UIMC1: variants seen among roughly 807,000 people sequenced by gnomAD.
UIMC1 encodes ubiquitin interaction motif containing 1, also known as BRCA1-A complex subunit RAP80.
Under a neutral mutation model 84.9 loss-of-function variants are expected in UIMC1, and 42 were observed. That is an observed-to-expected ratio of 0.49 (90% CI 0.39 to 0.64). The LOEUF (loss-of-function observed/expected upper bound fraction) is 0.64, where lower values mean the gene tolerates loss of function less well. Among genes scored for constraint, UIMC1 ranks in the 30% least tolerant of loss-of-function variants. The probability of loss-of-function intolerance (pLI) is 0.00; values close to 1 mark genes in which losing one functional copy is unlikely to be tolerated. For synonymous variants in UIMC1, 281 were observed against 293.0 expected (o/e 0.96, Z 0.42); for missense variants, 825 against 847.6 (o/e 0.97, Z 0.33).
At chr5:176,975,624 T>C in intron 2 of UIMC1, 144 bp from the exon 3 acceptor site, 1 of 728,316 alleles carries the variant, frequency 1.4e-6, no homozygotes, top group Non-Finnish European at 2.2e-6. Context: ...AGAAGATCCT[T>C]TTCAGTACAA....
rs528728180 is a variant in UIMC1, at chr5:176,992,260, T to A, written c.-8-9637A>T. On this transcript the variant is annotated intron_variant, in intron 1 of 14. Transcript: ENST00000511320. ...GTGTGTAAAATTGGTTTTTTCTGTA[T>A]CTTCCTTGGAAAAATTTTTATATTT... Among the ~76,000 whole-genome samples the A allele has an allele frequency of 1.4e-4, 21 of 152,318 alleles. 1 individual carries two copies. The South Asian group carries it at 3.9e-3, about 29-fold the overall frequency.
chr5:176,982,981 G>A (rs1581637557), intron 1 of UIMC1, among the ~76,000 whole-genome samples: 1 of 152,154 alleles, frequency 6.6e-6, no homozygotes, highest in East Asian at 1.9e-4. Flanking sequence ...TTACAGACAT[G>A]AGCCACCACA....
chr5:176,973,842 G>T (rs578190393), intron 3 of UIMC1, among the ~76,000 whole-genome samples: 1 of 151,922 alleles, frequency 6.6e-6, no homozygotes, highest in Non-Finnish European at 1.5e-5. Flanking sequence ...GGCAGAGGTT[G>T]TAGTGAGCCA....
At chr5:176,925,895 T>C (rs1339015784) in intron 10 of UIMC1, among the ~76,000 whole-genome samples, 1 of 152,174 alleles carries the variant, frequency 6.6e-6, no homozygotes, top group Non-Finnish European at 1.5e-5. Context: ...ATATTGGAAC[T>C]TGGTTCATGA....
chr5:176,960,892 C>T (rs1412052380), intron 6 of UIMC1, among the ~76,000 whole-genome samples: 1 of 59,316 alleles, frequency 1.7e-5, no homozygotes, highest in East Asian at 4.3e-4. Context: ...CTCGGCCTCC[C>T]GAGGTGCCGG....
chr5:176,968,665 A>T lies in UIMC1; in HGVS notation c.1090T>A (p.Ser364Thr). ...TTTGAGTGCCAGTCAGATGCCCTAG[A>T]CTCCTGCCTCTCCTCTTTGTCTTCA... The part of the protein sequence containing the change: ...GDEDKEERQE[S>T]RASDWHSKTK... Residue 364 changes from serine to threonine, a missense_variant, in exon 6 of 15, where the codon TCT (serine) becomes ACT (threonine). Transcript: ENST00000511320. 6.2e-7 allele frequency: 1 copy of T among 1,613,674 alleles called. No homozygotes were observed. Among genetic ancestry groups the T allele is most frequent in the East Asian group, 2.2e-5 (1 of 44,848 alleles).
chr5:176,993,243 T>C (rs759234549), intron 1 of UIMC1, among the ~76,000 whole-genome samples: 2 of 151,894 alleles, frequency 1.3e-5, no homozygotes, highest in African/African-American at 2.4e-5. Context: ...CAGCACTTTA[T>C]GAGGCCAACA....
chr5:177,004,115 T>C (rs911471110), intron 1 of UIMC1, among the ~76,000 whole-genome samples: 3 of 152,178 alleles, frequency 2.0e-5, no homozygotes, highest in African/African-American at 7.2e-5. Flanking sequence ...ATGTACCATA[T>C]ACTTAAACCA....
intron 1 of UIMC1, among the ~76,000 whole-genome samples, chr5:177,021,102 AC>A (rs938800136): frequency 8.2e-4 from 125 of 152,070 alleles, no homozygotes; most frequent in African/African-American, 2.9e-3. Flanking sequence ...ACATAGTGAA[AC>A]CCCGTCTCTA....
intron 13 of UIMC1, among the ~76,000 whole-genome samples, chr5:176,906,532 T>C (rs901817790): frequency 1.7e-4 from 26 of 152,192 alleles, no homozygotes; most frequent in Admixed American, 7.2e-4. Flanking sequence ...TAGCGACTAA[T>C]AACAACAGTA....
At chr5:177,020,421 C>G (rs1029007447) in intron 1 of UIMC1, among the ~76,000 whole-genome samples, 38 of 152,172 alleles carry the variant, frequency 2.5e-4, no homozygotes, top group Admixed American at 1.1e-3. Flanking sequence ...CTCCTTAGCA[C>G]TTATTATTGT....
At chr5:177,000,789 C>T (rs889751351) in intron 1 of UIMC1, among the ~76,000 whole-genome samples, 11 of 151,980 alleles carry the variant, frequency 7.2e-5, no homozygotes, top group African/African-American at 2.7e-4. Flanking sequence ...CCTGAGCTAC[C>T]GTGCCCAGCC....
chr5:176,961,088 G>A lies in UIMC1; in HGVS notation c.1201-2934C>T, dbSNP rs1435334179. The stretch of plus-strand genomic sequence containing the variant: ...AAGTGAGGAGTGTCTCTGCCTGGCC[G>A]CCCATCGTCTGGGATGTGAGGAGCC... On this transcript the variant is annotated intron_variant, in intron 6 of 14. Coordinates refer to ENST00000511320, the MANE Select transcript of UIMC1 (RefSeq NM_001199298.2). Among the ~76,000 whole-genome samples the A allele has an allele frequency of 9.2e-5, 7 of 75,998 alleles. 2 individuals carry two copies. The highest frequency in any genetic ancestry group is 1.7e-4 in the Non-Finnish European group (7 of 41,770). 49.9% of individuals were successfully genotyped at this position (75,998 alleles called of 152,430 possible).
chr5:176,943,502 C>T lies in UIMC1; in HGVS notation c.1444-14G>A. On this transcript the variant is annotated splice_polypyrimidine_tract_variant and intron_variant, in intron 9 of 14. Transcript: ENST00000511320. ...CTTGTTACCAACCTGAAGAACATGA[C>T]AAACAGCAATCATAACAGCTTTAGT... The T allele has an allele frequency of 1.2e-6, 2 of 1,612,978 alleles. No individual in the cohort carries two copies. The highest frequency in any genetic ancestry group is 1.1e-5 in the South Asian group (1 of 90,934).
intron 1 of UIMC1, among the ~76,000 whole-genome samples, chr5:176,990,265 T>G (rs1772630509): frequency 6.6e-6 from 1 of 151,686 alleles, no homozygotes; most frequent in Admixed American, 6.6e-5. Context: ...ACTAGTGCCC[T>G]TATAAGAGAG....
chr5:176,981,422 G>A, intron 2 of UIMC1, among the ~76,000 whole-genome samples: 1 of 152,132 alleles, frequency 6.6e-6, no homozygotes, highest in East Asian at 1.9e-4. Context: ...AGGATTACAG[G>A]TGTGAGCTGC....
intron 1 of UIMC1, among the ~76,000 whole-genome samples, chr5:176,986,483 T>C (rs2149514108): frequency 7.4e-6 from 1 of 135,214 alleles, no homozygotes; most frequent in African/African-American, 2.8e-5. Context: ...TGAGCTATGA[T>C]CATGCCGATG....
At chr5:176,924,133 C>T (rs1262914353) in intron 10 of UIMC1, among the ~76,000 whole-genome samples, 1 of 151,670 alleles carries the variant, frequency 6.6e-6, no homozygotes. Flanking sequence ...GCCTGGCCAA[C>T]ATGGCGAAAC....
intron 10 of UIMC1, among the ~76,000 whole-genome samples, chr5:176,921,012 C>A (rs1419617113): frequency 6.6e-6 from 1 of 152,142 alleles, no homozygotes; most frequent in East Asian, 1.9e-4. Flanking sequence ...CTCTCAAATG[C>A]TTTTTCTGTG....
Sources: allele counts gnomAD v4.1 joint callset (sites outside exome capture counted in the v4.1 genomes callset), GRCh38; gene constraint gnomAD v4.1.1; transcripts MANE v1.5; gene names NCBI Gene and HGNC (gene_info 2026-07-23, HGNC 2026-07-21).